Variants in PRKG2 observed in about 807,000 individuals in gnomAD.
The protein encoded by PRKG2 is protein kinase cGMP-dependent 2.
PRKG2 carries 33 observed loss-of-function variants against 97.2 expected under a neutral mutation model. The observed-to-expected ratio is 0.34, with a 90% confidence interval of 0.26 to 0.45. The LOEUF is 0.45. PRKG2 is among the 20% of genes least tolerant of loss of function. The pLI is 1.00. For synonymous variants in PRKG2, 330 were observed against 321.8 expected, an observed-to-expected ratio of 1.03 and a Z score of -0.27; for missense variants, 638 against 900.0, an observed-to-expected ratio of 0.71 and a Z score of 3.73.
rs1741706508 is a variant in PRKG2 at position 81,092,748 on chromosome 4, A to ATGT, written c.2127-299_2127-297dup. 2.0e-5 allele frequency among the ~76,000 whole-genome samples: 3 copies of ATGT among 152,284 alleles called. No individual in the cohort carries two copies. In the South Asian group the frequency reaches 6.2e-4, roughly 32 times the overall value. On this transcript the variant is annotated intron_variant, in intron 17 of 18. Coordinates refer to ENST00000264399, the MANE Select transcript of PRKG2 (RefSeq NM_006259.3). ...TATCATGTCTGAACAGAAGCTTAAA[A>ATGT]TGTTCTCCACCAACCTCATCTCAAT...
In PRKG2 at chr4:81,174,903, T is replaced by C. The variant is rs771558283; in HGVS notation, c.518A>G (p.Asp173Gly). Reference sequence around the variant, plus strand: ...CACCATGTCTTTGATCTGCTGAGGATCCAGTCTTTTCAGAAACTGATTTTT... The same window carrying C: ...CACCATGTCTTTGATCTGCTGAGGACCCAGTCTTTTCAGAAACTGATTTTT... Reference protein sequence around the residue: ...LNKNQFLKRLDPQQIKDMVEC... With the variant: ...LNKNQFLKRLGPQQIKDMVEC... Residue 173 changes from aspartate (D) to glycine (G), a missense_variant, in exon 3 of 19, where the codon GAT becomes GGT. Asp to Gly is a moderately conservative substitution (Grantham distance 94, BLOSUM62 -1). Coordinates refer to ENST00000264399, the MANE Select transcript of PRKG2 (RefSeq NM_006259.3). The C allele has an allele frequency of 6.2e-7, 1 of 1,612,934 alleles. No individual in the cohort carries two copies. Among genetic ancestry groups the C allele is most frequent in the African/African-American group, 1.3e-5 (1 of 75,004 alleles).
At chr4:81,203,726 G>A (rs112073916) in intron 2 of PRKG2, among the ~76,000 whole-genome samples, 40 of 150,446 alleles carry the variant, frequency 2.7e-4, no homozygotes, top group South Asian at 6.3e-4. Flanking sequence ...ACATGTGTGC[G>A]CACACACACA....
rs151110472 is a variant in PRKG2 at position 81,149,744 on chromosome 4, C to T, written c.1086-792G>A. On this transcript the variant is annotated intron_variant, in intron 8 of 18. Coordinates refer to ENST00000264399, the MANE Select transcript of PRKG2 (RefSeq NM_006259.3). ...ACACAAAAGGTACATCCACAAGGCA[C>T]CCAGTGCTCTGAGATTCATTTAAGA... Among the ~76,000 whole-genome samples, 659 of 152,250 alleles carry T rather than the reference C, an allele frequency of 4.3e-3. 3 individuals carry two copies. Among genetic ancestry groups the T allele is most frequent in the African/African-American group, 0.015 (633 of 41,554 alleles).
chr4:81,204,822 A>G lies in PRKG2; in HGVS notation c.226T>C (p.Cys76Arg), dbSNP rs1753546864. 1.2e-6 allele frequency: 2 copies of G among 1,614,114 alleles called. No homozygotes were observed. The highest frequency in any genetic ancestry group is 1.7e-6 in the Non-Finnish European group (2 of 1,180,000). The change falls in exon 2 of 19, where the codon TGC becomes CGC. Residue 76 changes from cysteine (C) to arginine (R), a missense_variant. Cys to Arg is a radical substitution (Grantham distance 180). This residue lies in a region of PRKG2 where 332 missense variants were observed against 421.7 expected (regional missense o/e 0.79). Coordinates refer to ENST00000264399, the MANE Select transcript of PRKG2 (RefSeq NM_006259.3). ...AELTEELQNK[C>R]IQLNKLQDVV... ...TCCTGCAGCTTGTTCAGCTGGATGC[A>G]CTTGTTCTGGAGCTCCTCTGTGAGT...
At position 81,157,116 on chromosome 4, in the gene PRKG2, C is replaced by G. The variant is rs138366693; in HGVS notation, c.913-3395G>C. Among the ~76,000 whole-genome samples the G allele has an allele frequency of 9.9e-3, 1,508 of 152,226 alleles. 26 individuals are homozygous for G. Among genetic ancestry groups the G allele is most frequent in the African/African-American group, 0.034 (1,410 of 41,518 alleles). On this transcript the variant is annotated intron_variant, in intron 6 of 18. Transcript: ENST00000264399. ...GAAGGAAATAGAGATACAAAAAACCCTTCCAAAAATTAACGAATCCAGGAG... is the reference window on the plus strand; with the variant it reads ...GAAGGAAATAGAGATACAAAAAACCGTTCCAAAAATTAACGAATCCAGGAG...
chr4:81,138,668 T>A (rs1287813249), intron 12 of PRKG2, among the ~76,000 whole-genome samples: 1 of 151,772 alleles, frequency 6.6e-6, no homozygotes, highest in Non-Finnish European at 1.5e-5. Context: ...CTGGTGTATG[T>A]TAATTTCTCA....
At chr4:81,199,380 C>T (rs929991135) in intron 2 of PRKG2, among the ~76,000 whole-genome samples, 1 of 151,900 alleles carries the variant, frequency 6.6e-6, no homozygotes, top group South Asian at 2.1e-4. Context: ...TAAATAAGGC[C>T]TTCCAATAAA....
At chr4:81,180,582 C>A (rs924558505) in intron 2 of PRKG2, among the ~76,000 whole-genome samples, 1 of 151,688 alleles carries the variant, frequency 6.6e-6, no homozygotes, top group African/African-American at 2.4e-5. Context: ...CTAAATATTC[C>A]AAATATGTAT....
At chr4:81,151,195 T>C (rs974032047) in intron 8 of PRKG2, among the ~76,000 whole-genome samples, 2 of 152,118 alleles carry the variant, frequency 1.3e-5, no homozygotes, top group Non-Finnish European at 2.9e-5. Flanking sequence ...ACAAATGCAT[T>C]TAATCATATG....
At chr4:81,174,470 C>A (rs1335753514) in intron 3 of PRKG2, among the ~76,000 whole-genome samples, 1 of 151,814 alleles carries the variant, frequency 6.6e-6, no homozygotes, top group Non-Finnish European at 1.5e-5. Flanking sequence ...GTGGCGTTAC[C>A]CTCTCTGAGA....
upstream of PRKG2, among the ~76,000 whole-genome samples, chr4:81,216,525 A>C (rs1227726039): frequency 6.6e-6 from 1 of 152,118 alleles, no homozygotes; most frequent in East Asian, 1.9e-4. Flanking sequence ...AGATTTTCAA[A>C]GTCTTCACTT....
At chr4:81,112,224 T>A (rs1237662617) in intron 14 of PRKG2, among the ~76,000 whole-genome samples, 10 of 152,158 alleles carry the variant, frequency 6.6e-5, no homozygotes, top group Admixed American at 6.6e-4. Context: ...TTTTGCTGAT[T>A]TTTTCATCCA....
At chr4:81,126,670 G>A (rs1236840971) in intron 14 of PRKG2, among the ~76,000 whole-genome samples, 1 of 152,086 alleles carries the variant, frequency 6.6e-6, no homozygotes, top group African/African-American at 2.4e-5. Context: ...ACACATAAAT[G>A]TCTTCTTTTG....
intron 14 of PRKG2, among the ~76,000 whole-genome samples, chr4:81,111,983 C>A (rs908072268): frequency 6.6e-6 from 1 of 152,040 alleles, no homozygotes; most frequent in Non-Finnish European, 1.5e-5. Flanking sequence ...AATAAATAAA[C>A]AAGGTTCACA....
At chr4:81,135,634 G>C (rs1438197187) in intron 13 of PRKG2, among the ~76,000 whole-genome samples, 2 of 152,176 alleles carry the variant, frequency 1.3e-5, no homozygotes, top group Non-Finnish European at 2.9e-5. Context: ...TGCTACTATA[G>C]TGGAGAGCTT....
At chr4:81,089,857 A>G (rs567386132) in intron 18 of PRKG2, 54 bp from the exon 19 acceptor site, 8 of 1,378,094 alleles carry the variant, frequency 5.8e-6, no homozygotes, top group Non-Finnish European at 4.1e-6. Context: ...CAAGCATGCT[A>G]TCACATATGG....
Position 81,089,812 on chromosome 4 carries a change from G to T in PRKG2, c.2194-9C>A. The stretch of plus-strand genomic sequence containing the variant: ...TCTATGGGTCCCTTGAGCTAATATA[G>T]AAATAATTAAAACAAAAGGAAGAAT... On this transcript the variant is annotated splice_polypyrimidine_tract_variant and intron_variant, in intron 18 of 18. Coordinates refer to ENST00000264399, the MANE Select transcript of PRKG2 (RefSeq NM_006259.3). 5.7e-6 allele frequency: 9 copies of T among 1,577,578 alleles called. No individual in the cohort carries two copies. Among genetic ancestry groups the T allele is most frequent in the Non-Finnish European group, 7.8e-6 (9 of 1,147,524 alleles).
intron 14 of PRKG2, among the ~76,000 whole-genome samples, chr4:81,131,281 C>T (rs1458894209): frequency 6.7e-6 from 1 of 149,596 alleles, no homozygotes; most frequent in African/African-American, 2.6e-5. Flanking sequence ...AGGTGACATT[C>T]CACCCTGCTT....
At chr4:81,156,338 A>T (rs918853158) in intron 6 of PRKG2, among the ~76,000 whole-genome samples, 1 of 152,246 alleles carries the variant, frequency 6.6e-6, no homozygotes, top group African/African-American at 2.4e-5. Flanking sequence ...AAAGAAGGCC[A>T]TTATTTAATG....
Sources: gnomAD v4.1 joint callset for allele counts (sites outside exome capture counted in the v4.1 genomes callset) on GRCh38, gnomAD v4.1.1 for gene constraint, gnomAD v4.1.1 regional missense constraint, MANE v1.5 for transcripts, NCBI Gene and HGNC (gene_info 2026-07-23, HGNC 2026-07-21) for gene names.